The following HDAC9 variants were observed in gnomAD, a reference collection of about 807,000 sequenced individuals.
HDAC9 encodes histone deacetylase 9, also known as MEF-2 interacting transcription repressor (MITR) protein.
HDAC9 carries 41 observed loss-of-function variants against 139.4 expected under a neutral mutation model. The observed-to-expected ratio is 0.29, with a 90% confidence interval of 0.23 to 0.38. HDAC9 has a LOEUF of 0.38. Among genes scored for constraint, HDAC9 ranks in the 10% least tolerant of loss-of-function variants. The pLI, the probability that HDAC9 is intolerant of heterozygous loss-of-function variation, is 1.00. For synonymous variants in HDAC9, 517 were observed against 476.2 expected, an observed-to-expected ratio of 1.09 and a Z score of -1.12; for missense variants, 1,147 against 1,297.0, an observed-to-expected ratio of 0.88 and a Z score of 1.78.
rs181635414 is a variant in HDAC9, at chr7:18,883,733, G to A, written c.2803+9137G>A. Among the ~76,000 whole-genome samples, 53 of 152,116 alleles carry A rather than the reference G, an allele frequency of 3.5e-4. No individual in the cohort carries two copies. The East Asian group carries it at 9.7e-3, about 28-fold the overall frequency. ...AAATGAAGGGCATCCAAATTGGAAAGGGAGAAGTTAAACTGTCTCTGTTTC... is the reference window on the plus strand; with the variant it reads ...AAATGAAGGGCATCCAAATTGGAAAAGGAGAAGTTAAACTGTCTCTGTTTC... On this transcript the variant is annotated intron_variant, in intron 22 of 25. Transcript: ENST00000686413.
intron 17 of HDAC9, among the ~76,000 whole-genome samples, chr7:18,800,876 A>G (rs1273164239): frequency 6.6e-6 from 1 of 151,990 alleles, no homozygotes; most frequent in African/African-American, 2.4e-5. Flanking sequence ...AAGACAAAAA[A>G]TATATATATG....
At chr7:18,764,590 T>C (rs1326015865) in intron 15 of HDAC9, among the ~76,000 whole-genome samples, 1 of 152,238 alleles carries the variant, frequency 6.6e-6, no homozygotes, top group African/African-American at 2.4e-5. Flanking sequence ...TTGCTCTTTG[T>C]GGCATTTGCA....
intron 2 of HDAC9, among the ~76,000 whole-genome samples, chr7:18,547,791 T>G (rs1480939766): frequency 6.9e-6 from 1 of 144,012 alleles, no homozygotes; most frequent in Non-Finnish European, 1.5e-5. Context: ...AGGAGTAGAT[T>G]CCATTTCAAG....
chr7:18,859,543 C>T (rs898642038), intron 21 of HDAC9, among the ~76,000 whole-genome samples: 2 of 146,148 alleles, frequency 1.4e-5, no homozygotes, highest in South Asian at 2.1e-4. Context: ...CACATTGCTA[C>T]GCAATTAAAA....
At chr7:18,626,058 T>G (rs999645774) in intron 6 of HDAC9, among the ~76,000 whole-genome samples, 8 of 151,856 alleles carry the variant, frequency 5.3e-5, no homozygotes, top group African/African-American at 1.9e-4. Context: ...AAGGGACTAC[T>G]TAACAAGGAA....
chr7:18,440,779 C>T (rs1275965674), intron 1 of HDAC9, among the ~76,000 whole-genome samples: 1 of 152,124 alleles, frequency 6.6e-6, no homozygotes, highest in Non-Finnish European at 1.5e-5. Context: ...CTTTGTTTGC[C>T]ATAATAAACA....
intron 25 of HDAC9, among the ~76,000 whole-genome samples, chr7:18,979,182 T>C (rs934730392): frequency 2.6e-5 from 4 of 152,176 alleles, no homozygotes; most frequent in Non-Finnish European, 4.4e-5. Context: ...CACTTTGTTT[T>C]TTGGGTAACT....
intron 22 of HDAC9, among the ~76,000 whole-genome samples, chr7:18,874,804 G>A (rs140959802): frequency 6.6e-5 from 10 of 152,194 alleles, no homozygotes; most frequent in African/African-American, 1.7e-4. Flanking sequence ...TTTGTTTGGT[G>A]GACATGACAG....
intron 2 of HDAC9, among the ~76,000 whole-genome samples, chr7:18,203,598 G>T (rs928657826): frequency 6.6e-6 from 1 of 152,126 alleles, no homozygotes; most frequent in African/African-American, 2.4e-5. Flanking sequence ...AATAATGAAG[G>T]AACAGTTTTG....
chr7:18,968,839 G>A (rs1784058785), intron 24 of HDAC9, among the ~76,000 whole-genome samples: 1 of 150,924 alleles, frequency 6.6e-6, no homozygotes, highest in South Asian at 2.1e-4. Flanking sequence ...GGCGCCTGTA[G>A]TCCCAGCTAC....
intron 1 of HDAC9, among the ~76,000 whole-genome samples, chr7:18,452,691 A>G (rs1332852019): frequency 1.3e-5 from 2 of 152,128 alleles, no homozygotes; most frequent in Non-Finnish European, 2.9e-5. Context: ...TGCTGTTCTC[A>G]TTATAGTGAA....
intron 6 of HDAC9, among the ~76,000 whole-genome samples, chr7:18,628,614 A>G (rs1781413688): frequency 6.6e-6 from 1 of 152,220 alleles, no homozygotes; most frequent in Non-Finnish European, 1.5e-5. Context: ...AATAAGCTTC[A>G]CTGTTTAGAA....
At chr7:18,605,351 T>A (rs78873963) in intron 6 of HDAC9, among the ~76,000 whole-genome samples, 2 of 152,152 alleles carry the variant, frequency 1.3e-5, no homozygotes, top group South Asian at 4.1e-4. Flanking sequence ...CTTCTTAGCC[T>A]GTTTCCTCCC....
chr7:18,168,891 T>TGTGTG (rs1256067548), intron 2 of HDAC9, among the ~76,000 whole-genome samples: 237 of 114,696 alleles, frequency 2.1e-3, no homozygotes, highest in African/African-American at 9.0e-3. Flanking sequence ...TTTTTTTTTT[T>TGTGTG]TTTTTTTGTG....
chr7:18,394,469 A>G lies in HDAC9; in HGVS notation c.-41-101793A>G, dbSNP rs960296702. Reference sequence around the variant, plus strand: ...GTTACACTTCCTAGGAGTGCTTCTGAATTTTGACTCTTAAACAGAATCCCC... The same window carrying G: ...GTTACACTTCCTAGGAGTGCTTCTGGATTTTGACTCTTAAACAGAATCCCC... On this transcript the variant is annotated intron_variant, in intron 1 of 3. Transcript: ENST00000413509. Among the ~76,000 whole-genome samples, 12 of 152,214 alleles carry G rather than the reference A, an allele frequency of 7.9e-5. No homozygotes were observed. In the East Asian group the frequency reaches 1.9e-3, roughly 24 times the overall value.
intron 22 of HDAC9, among the ~76,000 whole-genome samples, chr7:18,926,506 G>C (rs1272097063): frequency 6.6e-6 from 1 of 152,100 alleles, no homozygotes; most frequent in East Asian, 1.9e-4. Flanking sequence ...ATATAACTGA[G>C]GTTCAAATAG....
chr7:18,727,444 A>ATTTTTTTTTT, intron 12 of HDAC9, 136 bp from the exon 13 acceptor site: 1 of 630,492 alleles, frequency 1.6e-6, no homozygotes, highest in East Asian at 3.6e-5. Context: ...CCCTTTCTCT[A>ATTTTTTTTTT]TTTTTTTTTT....
intron 22 of HDAC9, among the ~76,000 whole-genome samples, chr7:18,916,312 G>A (rs1803203838): frequency 6.6e-6 from 1 of 152,020 alleles, no homozygotes; most frequent in Non-Finnish European, 1.5e-5. Context: ...TTTGACTAAT[G>A]TAGAATCATA....
chr7:18,375,455 C>G (rs1175391885), intron 1 of HDAC9, among the ~76,000 whole-genome samples: 2 of 151,858 alleles, frequency 1.3e-5, no homozygotes, highest in African/African-American at 2.4e-5. Flanking sequence ...GGCGACGGAG[C>G]TAGACTCCAT....
Sources: allele counts gnomAD v4.1 joint callset (sites outside exome capture counted in the v4.1 genomes callset), GRCh38; gene constraint gnomAD v4.1.1; transcripts MANE v1.5; gene names NCBI Gene and HGNC (gene_info 2026-07-23, HGNC 2026-07-21).